The following LMNTD1 variants were observed in gnomAD, a reference collection of about 807,000 sequenced individuals.
LMNTD1 encodes lamin tail domain containing 1.
LMNTD1 carries 35 observed loss-of-function variants against 50.9 expected under a neutral mutation model. The ratio of observed to expected loss-of-function variants is 0.69; its 90% CI spans 0.53 to 0.91. The LOEUF (loss-of-function observed/expected upper bound fraction) is 0.91, where lower values mean the gene tolerates loss of function less well. LMNTD1 is among the 40% of genes least tolerant of loss of function. The pLI, the probability that LMNTD1 is intolerant of heterozygous loss-of-function variation, is 0.00. For missense variants in LMNTD1, 470 were observed against 475.5 expected, an observed-to-expected ratio of 0.99 and a Z score of 0.11; for synonymous variants, 153 against 161.9, an observed-to-expected ratio of 0.94 and a Z score of 0.42.
At chr12:25,590,616 A>G (rs1247038570) in intron 1 of LMNTD1, among the ~76,000 whole-genome samples, 2 of 152,194 alleles carry the variant, frequency 1.3e-5, no homozygotes, top group Non-Finnish European at 2.9e-5. Context: ...CCCAGGCTGC[A>G]TAGCTTGTGG....
intron 1 of LMNTD1, among the ~76,000 whole-genome samples, chr12:25,611,653 G>A (rs558036510): frequency 6.6e-6 from 1 of 152,270 alleles, no homozygotes; most frequent in East Asian, 1.9e-4. Context: ...GAGAAGTAAA[G>A]GATTGACTCC....
At chr12:25,587,873 G>A (rs1168799904) in intron 1 of LMNTD1, among the ~76,000 whole-genome samples, 1 of 152,132 alleles carries the variant, frequency 6.6e-6, no homozygotes, top group African/African-American at 2.4e-5. Context: ...AAAAAGCTAG[G>A]TGAATATCAG....
In LMNTD1 at chr12:25,546,434, G is replaced by C; in HGVS notation, c.431C>G (p.Thr144Ser). The part of the protein sequence containing the change: ...SKKLTAHSNY[T>S]QKTLKYFSMI... ...AGAAAAGTATTTTAAAGTTTTCTGA[G>C]TGTAGTTTGAGTGTGCTGTAAGTTT... Residue 144 changes from threonine to serine, a missense_variant, in exon 4 of 10, where the codon ACT (threonine) becomes AGT (serine). Physicochemically the swap from Thr to Ser is moderately conservative, Grantham distance 58. Coordinates refer to ENST00000458174, the MANE Select transcript of LMNTD1 (RefSeq NM_001145728.2). 6.3e-7 allele frequency: 1 copy of C among 1,599,196 alleles called. No homozygotes were observed. Among genetic ancestry groups the C allele is most frequent in the East Asian group, 2.3e-5 (1 of 44,300 alleles).
At chr12:25,489,445 T>C (rs1301401363) in intron 9 of LMNTD1, among the ~76,000 whole-genome samples, 1 of 150,338 alleles carries the variant, frequency 6.7e-6, no homozygotes, top group Non-Finnish European at 1.5e-5. Context: ...CCCTGACCCC[T>C]TGCGCTTCCC....
At chr12:25,542,465 G>T (rs1475061805) in intron 4 of LMNTD1, among the ~76,000 whole-genome samples, 15 of 148,992 alleles carry the variant, frequency 1.0e-4, no homozygotes, top group South Asian at 6.4e-4. Flanking sequence ...GTAAACTATC[G>T]CAAGAACAAA....
chr12:25,501,548 A>C (rs1939391408), intron 9 of LMNTD1, among the ~76,000 whole-genome samples: 1 of 152,168 alleles, frequency 6.6e-6, no homozygotes, highest in Non-Finnish European at 1.5e-5. Context: ...GAGCAATGGC[A>C]TCATGTTGAG....
intron 1 of LMNTD1, among the ~76,000 whole-genome samples, chr12:25,616,329 A>T (rs1489672742): frequency 6.6e-6 from 1 of 152,150 alleles, no homozygotes; most frequent in Non-Finnish European, 1.5e-5. Context: ...CCTTGCAATA[A>T]CTTATTTTAC....
intron 1 of LMNTD1, among the ~76,000 whole-genome samples, chr12:25,614,131 C>T (rs1319502695): frequency 1.3e-5 from 2 of 151,954 alleles, no homozygotes; most frequent in Non-Finnish European, 2.9e-5. Context: ...AGTCATCAGT[C>T]GCCAGTGGGA....
intron 1 of LMNTD1, among the ~76,000 whole-genome samples, chr12:25,573,241 C>A (rs1027871091): frequency 1.3e-5 from 2 of 152,028 alleles, no homozygotes; most frequent in African/African-American, 2.4e-5. Context: ...ACTCTAAAAT[C>A]TCTGATTATA....
At chr12:25,561,677 T>G (rs1196528205) in intron 1 of LMNTD1, among the ~76,000 whole-genome samples, 1 of 152,136 alleles carries the variant, frequency 6.6e-6, no homozygotes, top group Non-Finnish European at 1.5e-5. Flanking sequence ...CAGAGCTGAG[T>G]TCAGGTCCTG....
upstream of LMNTD1, among the ~76,000 whole-genome samples, chr12:25,555,298 G>T (rs933777081): frequency 1.3e-5 from 2 of 152,128 alleles, no homozygotes; most frequent in African/African-American, 4.8e-5. Context: ...TATTCATGTG[G>T]TTGATACAAC....
intron 1 of LMNTD1, among the ~76,000 whole-genome samples, chr12:25,640,249 C>T (rs938571650): frequency 2.6e-5 from 4 of 152,096 alleles, no homozygotes; most frequent in African/African-American, 9.7e-5. Context: ...GGCTCTCACA[C>T]CCATAATCCC....
chr12:25,484,883 TTTTCTTAA>T, intron 9 of LMNTD1, among the ~76,000 whole-genome samples: 1 of 147,332 alleles, frequency 6.8e-6, no homozygotes, highest in South Asian at 2.2e-4. Context: ...ATGTGCCACA[TTTTCTTAA>T]TCCAGTCTAT....
upstream of LMNTD1, among the ~76,000 whole-genome samples, chr12:25,554,169 G>T (rs1361309097): frequency 6.6e-6 from 1 of 152,194 alleles, no homozygotes; most frequent in South Asian, 2.1e-4. Context: ...TATAGCATCA[G>T]AAGGTTTATA....
intron 1 of LMNTD1, among the ~76,000 whole-genome samples, chr12:25,582,846 A>C (rs900642035): frequency 2.0e-5 from 3 of 152,114 alleles, no homozygotes; most frequent in African/African-American, 7.2e-5. Flanking sequence ...AAGTTATTTA[A>C]GCAGTTTATT....
At chr12:25,618,822 A>G (rs1286920626) in intron 1 of LMNTD1, among the ~76,000 whole-genome samples, 1 of 152,210 alleles carries the variant, frequency 6.6e-6, no homozygotes, top group Non-Finnish European at 1.5e-5. Flanking sequence ...TTGGCTAGTA[A>G]AGTACAAAGA....
chr12:25,521,673 A>G lies in LMNTD1; in HGVS notation c.799-1598T>C, dbSNP rs374244348. Among the ~76,000 whole-genome samples the G allele has an allele frequency of 2.9e-4, 44 of 152,338 alleles. 2 individuals carry two copies. The South Asian group carries it at 9.1e-3, about 32-fold the overall frequency. The stretch of plus-strand genomic sequence containing the variant: ...CCAGCTATTGAATTTCACAACTCTA[A>G]AGAACCGAGCAAAAAGTAATGGTAA... On this transcript the variant is annotated intron_variant, in intron 6 of 9. Transcript: ENST00000458174.
intron 1 of LMNTD1, among the ~76,000 whole-genome samples, chr12:25,583,396 T>C (rs1945390627): frequency 6.6e-6 from 1 of 152,110 alleles, no homozygotes; most frequent in Non-Finnish European, 1.5e-5. Context: ...CTTGAACTGC[T>C]GAGCTCAAGC....
intron 6 of LMNTD1, among the ~76,000 whole-genome samples, chr12:25,524,390 C>T (rs993528148): frequency 6.6e-6 from 1 of 152,166 alleles, no homozygotes; most frequent in Admixed American, 6.5e-5. Context: ...CTTTCATTAG[C>T]AGGCACAGTT....
Sources: allele counts gnomAD v4.1 joint callset (sites outside exome capture counted in the v4.1 genomes callset), GRCh38; gene constraint gnomAD v4.1.1; transcripts MANE v1.5; gene names NCBI Gene and HGNC (gene_info 2026-07-23, HGNC 2026-07-21).